CELF2: variants seen among roughly 807,000 people sequenced by gnomAD.
CELF2 encodes the protein CUGBP Elav-like family member 2, also known as CUG triplet repeat RNA-binding protein 2.
CELF2 carries 8 observed loss-of-function variants against 62.6 expected under a neutral mutation model. The ratio of observed to expected loss-of-function variants is 0.13; its 90% CI spans 0.07 to 0.23. The LOEUF (loss-of-function observed/expected upper bound fraction) is 0.23, where lower values mean the gene tolerates loss of function less well. Among genes scored for constraint, CELF2 ranks in the 10% least tolerant of loss-of-function variants. The probability of loss-of-function intolerance (pLI) is 1.00; values close to 1 mark genes in which losing one functional copy is unlikely to be tolerated. For synonymous variants in CELF2, 258 were observed against 250.0 expected (o/e 1.03, Z -0.30); for missense variants, 333 against 671.0 (o/e 0.50, Z 5.56).
chr10:10,868,346 G>A (rs1445833228), intron 1 of CELF2, among the ~76,000 whole-genome samples: 5 of 152,198 alleles, frequency 3.3e-5, no homozygotes, highest in Admixed American at 6.5e-5. Flanking sequence ...TCAGCTGCTT[G>A]TGACTCGAAT....
At chr10:11,293,654 G>A (rs1480502433) in intron 9 of CELF2, among the ~76,000 whole-genome samples, 1 of 152,222 alleles carries the variant, frequency 6.6e-6, no homozygotes, top group Non-Finnish European at 1.5e-5. Context: ...CCTGTTGTCT[G>A]CAGGACGGTG....
upstream of CELF2, among the ~76,000 whole-genome samples, chr10:10,796,374 C>T (rs2054140264): frequency 6.6e-6 from 1 of 152,206 alleles, no homozygotes. Flanking sequence ...TGTACTTGGG[C>T]TTGGTACAAG....
the CELF2 span, among the ~76,000 whole-genome samples, chr10:10,759,173 G>C: frequency 6.6e-6 from 1 of 152,108 alleles, no homozygotes; most frequent in East Asian, 1.9e-4. Context: ...GCATAAGACT[G>C]TATGAAAGGA....
At chr10:11,132,136 T>C (rs2059723980) in intron 1 of CELF2, among the ~76,000 whole-genome samples, 1 of 152,234 alleles carries the variant, frequency 6.6e-6, no homozygotes. Context: ...CTTACTTCCT[T>C]CCCTTATGCG....
intron 9 of CELF2, among the ~76,000 whole-genome samples, chr10:11,313,288 C>T (rs80071260): frequency 0.014 from 2,118 of 152,310 alleles, 52 homozygotes; most frequent in African/African-American, 0.047. Context: ...CTTCAAGATA[C>T]ATTTCCAAAA....
chr10:10,552,688 G>A, the CELF2 span, among the ~76,000 whole-genome samples: 2 of 152,162 alleles, frequency 1.3e-5, no homozygotes, highest in South Asian at 2.1e-4. Flanking sequence ...TTAGAAAGTG[G>A]GTCAGAGATC....
At chr10:11,061,145 A>G (rs1360205032) in intron 1 of CELF2, among the ~76,000 whole-genome samples, 1 of 152,250 alleles carries the variant, frequency 6.6e-6, no homozygotes, top group Admixed American at 6.5e-5. Context: ...CAAGTGGTAA[A>G]TGCAAAGGAA....
chr10:11,189,592 C>A (rs746664705), intron 2 of CELF2, among the ~76,000 whole-genome samples: 3 of 152,166 alleles, frequency 2.0e-5, no homozygotes, highest in African/African-American at 4.8e-5. Context: ...TCTAATGGCC[C>A]TCGCACTCTC....
At chr10:11,139,841 T>TTTG (rs1175767881) in intron 1 of CELF2, among the ~76,000 whole-genome samples, 6 of 148,068 alleles carry the variant, frequency 4.1e-5, no homozygotes, top group African/African-American at 1.5e-4. Flanking sequence ...ATCATTCAGT[T>TTTG]TTTTTTTTTT....
At chr10:11,058,337 T>G (rs148545940) in intron 1 of CELF2, among the ~76,000 whole-genome samples, 95 of 152,344 alleles carry the variant, frequency 6.2e-4, no homozygotes, top group Admixed American at 1.2e-3. Flanking sequence ...ACACTATATT[T>G]GCATCCCACT....
Position 11,278,376 on chromosome 10 carries a change from GT to G in CELF2, c.841+3261del, listed in dbSNP as rs2086920350. The stretch of plus-strand genomic sequence containing the variant: ...TTTTGTGCCTCCTTGGAGTTGGTTG[GT>G]TTTTATTTTCCCTCTTAAAACTTCT... On this transcript the variant is annotated intron_variant, in intron 8 of 12. Coordinates refer to ENST00000633077, the MANE Select transcript of CELF2 (RefSeq NM_001326342.2). Among the ~76,000 whole-genome samples, 3 of 152,180 alleles carry G rather than the reference GT, an allele frequency of 2.0e-5. No homozygotes were observed. In the South Asian group the frequency reaches 6.2e-4, roughly 32 times the overall value.
At chr10:11,281,755 A>G (rs937210851) in intron 8 of CELF2, among the ~76,000 whole-genome samples, 7 of 152,174 alleles carry the variant, frequency 4.6e-5, no homozygotes, top group African/African-American at 9.7e-5. Context: ...AAAAATATAT[A>G]TGTATGTTAA....
chr10:11,166,633 A>G (rs1024046684), intron 2 of CELF2, among the ~76,000 whole-genome samples: 22 of 151,968 alleles, frequency 1.4e-4, no homozygotes, highest in South Asian at 6.3e-4. Flanking sequence ...CGGGCCTCAC[A>G]GTTTCTTTTG....
chr10:10,503,602 C>T, the CELF2 span, among the ~76,000 whole-genome samples: 1 of 151,746 alleles, frequency 6.6e-6, no homozygotes, highest in African/African-American at 2.4e-5. Flanking sequence ...CTGCTTATAC[C>T]ATTATGTTTT....
rs2061742182 is a variant in CELF2 at position 11,211,427 on chromosome 10, G to T, written c.272-5998G>T. Among the ~76,000 whole-genome samples the T allele has an allele frequency of 6.6e-6, 1 of 152,142 alleles. No homozygotes were observed. Among genetic ancestry groups the T allele is most frequent in the Admixed American group, 6.5e-5 (1 of 15,276 alleles). On this transcript the variant is annotated intron_variant, in intron 2 of 12. Coordinates refer to ENST00000633077, the MANE Select transcript of CELF2 (RefSeq NM_001326342.2). This position sits in a 1 kb window ranked among gnomAD's most constrained non-coding sequence, Gnocchi z 4.8. The stretch of plus-strand genomic sequence containing the variant: ...GAGTATGGTGTCAGTTTTCTTAAGG[G>T]CAGAATGAGTTTAAAATCTGACCTC...
chr10:10,728,512 G>T, the CELF2 span, among the ~76,000 whole-genome samples: 1 of 151,360 alleles, frequency 6.6e-6, no homozygotes, highest in African/African-American at 2.4e-5. Flanking sequence ...ACAGGGGCAG[G>T]AAAGCACCCA....
At chr10:11,101,101 G>A (rs1282125603) in intron 1 of CELF2, among the ~76,000 whole-genome samples, 4 of 152,184 alleles carry the variant, frequency 2.6e-5, no homozygotes, top group African/African-American at 9.7e-5. Context: ...ATGATGGATT[G>A]GATATGGAGG....
At chr10:10,872,731 A>AT (rs1008619645) in intron 1 of CELF2, among the ~76,000 whole-genome samples, 1 of 152,036 alleles carries the variant, frequency 6.6e-6, no homozygotes, top group African/African-American at 2.4e-5. Flanking sequence ...TTATGGAAAA[A>AT]TTTTTTTTGC....
chr10:10,647,946 G>A, the CELF2 span, among the ~76,000 whole-genome samples: 1 of 152,190 alleles, frequency 6.6e-6, no homozygotes. Flanking sequence ...GGAGAGAAAA[G>A]CACCTGCATT....
Sources: allele counts gnomAD v4.1 joint callset (sites outside exome capture counted in the v4.1 genomes callset), GRCh38; gene constraint gnomAD v4.1.1; non-coding constraint Gnocchi (gnomAD v3.1); transcripts MANE v1.5; gene names NCBI Gene and HGNC (gene_info 2026-07-23, HGNC 2026-07-21).